The following NUP133 variants were observed in gnomAD, a reference collection of about 807,000 sequenced individuals.
NUP133 encodes nucleoporin 133.
In NUP133, 66 loss-of-function variants were observed where a neutral mutation model predicts 146.2. The observed-to-expected ratio is 0.45, with a 90% CI of 0.37 to 0.55. The LOEUF (loss-of-function observed/expected upper bound fraction) is 0.55. Ranked by LOEUF, NUP133 falls within the 20% of genes least tolerant of loss-of-function variation. The pLI is 0.00. For synonymous variants in NUP133, 521 were observed against 498.8 expected, an observed-to-expected ratio of 1.04 and a Z score of -0.59; for missense variants, 1,277 against 1,374.8, an observed-to-expected ratio of 0.93 and a Z score of 1.12.
intron 1 of NUP133, 21 bp downstream of exon 1, chr1:229,508,047 C>T (rs1661990696): frequency 6.9e-7 from 1 of 1,440,532 alleles, no homozygotes; most frequent in Non-Finnish European, 9.2e-7. Flanking sequence ...GTTGCCAGAC[C>T]CAACCAGGGA....
intron 21 of NUP133, among the ~76,000 whole-genome samples, chr1:229,457,106 C>T (rs1396683847): frequency 6.6e-6 from 1 of 152,054 alleles, no homozygotes; most frequent in Non-Finnish European, 1.5e-5. Context: ...GGATTACAGG[C>T]GTGAGCCACC....
chr1:229,449,297 C>T (rs1194954872), intron 23 of NUP133, 107 bp from the exon 24 acceptor site: 2 of 656,270 alleles, frequency 3.0e-6, no homozygotes, highest in Non-Finnish European at 5.2e-6. Flanking sequence ...CAATTAATAT[C>T]TATGAATTAC....
rs764523366 is a variant in NUP133, at chr1:229,475,727, G to A, written c.1762C>T (p.Pro588Ser). 3.1e-6 allele frequency: 5 copies of A among 1,613,288 alleles called. No homozygotes were observed. In the Admixed American group the frequency reaches 8.3e-5, roughly 27 times the overall value. Residue 588 changes from proline (P) to serine (S), a missense_variant, in exon 14 of 26, where the codon CCT (proline) becomes TCT (serine). Physicochemically the swap from Pro to Ser is moderately conservative, Grantham distance 74. Transcript: ENST00000261396. ...ATCAGTGACGTATTGCTGAACCCAG[G>A]TGCTTCTGTTAAAACACAGTGATAA... ...RWAESVPEEA[P>S]GFSNTSLIIL...
chr1:229,446,581 A>G (rs1008544659), intron 24 of NUP133, among the ~76,000 whole-genome samples: 1 of 151,992 alleles, frequency 6.6e-6, no homozygotes, highest in Non-Finnish European at 1.5e-5. Context: ...TACATTAAAA[A>G]AAATTAGCTG....
chr1:229,493,592 C>T (rs1051929596), intron 8 of NUP133, among the ~76,000 whole-genome samples: 11 of 152,052 alleles, frequency 7.2e-5, no homozygotes, highest in Non-Finnish European at 7.4e-5. Context: ...ATAAACGGAC[C>T]CATATGAGAA....
chr1:229,460,842 T>G, intron 19 of NUP133, 73 bp from the exon 20 acceptor site: 2 of 1,390,990 alleles, frequency 1.4e-6, no homozygotes, highest in Non-Finnish European at 2.0e-6. Flanking sequence ...AAACATAACT[T>G]TGTTCTAAAG....
intron 8 of NUP133, among the ~76,000 whole-genome samples, chr1:229,490,816 G>T (rs1045581894): frequency 6.6e-6 from 1 of 152,012 alleles, no homozygotes; most frequent in African/African-American, 2.4e-5. Context: ...GTCAGGCATG[G>T]TGGCACATGC....
intron 15 of NUP133, among the ~76,000 whole-genome samples, chr1:229,469,086 A>G (rs983162237): frequency 6.6e-6 from 1 of 152,226 alleles, no homozygotes; most frequent in Admixed American, 6.5e-5. Flanking sequence ...CAGCTAGGCT[A>G]TAGGAGGAAG....
At chr1:229,502,872 C>G (rs544970682) in intron 2 of NUP133, among the ~76,000 whole-genome samples, 18 of 151,606 alleles carry the variant, frequency 1.2e-4, no homozygotes, top group African/African-American at 4.4e-4. Context: ...CACAGGAGAA[C>G]CACTTGAGCC....
Position 229,484,051 on chromosome 1 carries a change from T to C in NUP133, c.1592+3A>G, listed in dbSNP as rs962128218. The C allele has an allele frequency of 6.3e-7, 1 of 1,588,988 alleles. No homozygotes were observed. Among genetic ancestry groups the C allele is most frequent in the Admixed American group, 1.7e-5 (1 of 59,440 alleles). On this transcript the variant is annotated splice_donor_region_variant and intron_variant, in intron 12 of 25. Transcript: ENST00000261396. ...AATCCATAATTTAAAAAACATGTTA[T>C]ACCTGCAGTATTGCAGAAAGGCAGC...
At chr1:229,460,530 A>AT in intron 20 of NUP133, 81 bp downstream of exon 20, 1 of 1,384,028 alleles carries the variant, frequency 7.2e-7, no homozygotes, top group Non-Finnish European at 9.9e-7. Flanking sequence ...AGTAAACAGT[A>AT]TTTTAATTAC....
At chr1:229,465,274 A>G (rs1297321471) in intron 17 of NUP133, 146 bp downstream of exon 17, 2 of 661,166 alleles carry the variant, frequency 3.0e-6, no homozygotes, top group Admixed American at 2.7e-5. Flanking sequence ...GGACGAATAA[A>G]GTGATTTTGA....
At chr1:229,453,031 G>C (rs1009704967) in intron 21 of NUP133, among the ~76,000 whole-genome samples, 2 of 152,076 alleles carry the variant, frequency 1.3e-5, no homozygotes, top group Non-Finnish European at 2.9e-5. Flanking sequence ...AGAATTTATA[G>C]TATATAGTTG....
chr1:229,450,850 T>G, intron 22 of NUP133: 3 of 200,484 alleles, frequency 1.5e-5, no homozygotes, highest in South Asian at 1.1e-4. Flanking sequence ...CTCAGCCTCC[T>G]GAGTAGCTGG....
intron 20 of NUP133, among the ~76,000 whole-genome samples, chr1:229,459,347 A>T (rs1380984171): frequency 6.6e-6 from 1 of 152,164 alleles, no homozygotes; most frequent in Non-Finnish European, 1.5e-5. Context: ...ACACAGTGAG[A>T]CCCTGTCTCT....
intron 11 of NUP133, among the ~76,000 whole-genome samples, chr1:229,485,033 A>G (rs1661314419): frequency 6.6e-6 from 1 of 152,202 alleles, no homozygotes; most frequent in Non-Finnish European, 1.5e-5. Context: ...AACAGTATTA[A>G]TTATTTTTAG....
intron 14 of NUP133, among the ~76,000 whole-genome samples, chr1:229,471,834 T>C (rs1355061080): frequency 6.6e-6 from 1 of 152,226 alleles, no homozygotes; most frequent in Non-Finnish European, 1.5e-5. Context: ...GGTCACACTG[T>C]ATATATTGTT....
chr1:229,495,994 A>G lies in NUP133; in HGVS notation c.873T>C (p.Ser291=). Residue 291 remains serine (S), a synonymous_variant, in exon 7 of 26, where the codon AGT becomes AGC. Coordinates refer to ENST00000261396, the MANE Select transcript of NUP133 (RefSeq NM_018230.3). ...RERSSFYSLT[S]SNISKWELDD... is the part of the protein sequence containing the mutation. ...CTAATTCCCATTTACTGATGTTTGAACTCGTCAGGCTATAAAAGCTTGATC... is the reference window on the plus strand; with the variant it reads ...CTAATTCCCATTTACTGATGTTTGAGCTCGTCAGGCTATAAAAGCTTGATC... The G allele has an allele frequency of 6.2e-7, 1 of 1,611,394 alleles. No individual in the cohort carries two copies. The highest frequency in any genetic ancestry group is 1.3e-5 in the African/African-American group (1 of 74,896).
Position 229,441,408 on chromosome 1 carries a change from A to G in NUP133, c.*496T>C, listed in dbSNP as rs1274000327. On this transcript the variant is annotated 3_prime_UTR_variant, in exon 26 of 26. Coordinates refer to ENST00000261396, the MANE Select transcript of NUP133 (RefSeq NM_018230.3). ...TAGGCCCACTCTCCTTTGGTTTTTC[A>G]TCTCATAATAAGTCAGCAAAAGTTG... The G allele has an allele frequency of 1.9e-6, 1 of 532,430 alleles. No individual in the cohort carries two copies. The highest frequency in any genetic ancestry group is 5.4e-5 in the East Asian group (1 of 18,362). 33.0% of individuals were successfully genotyped at this position (532,430 alleles called of 1,614,324 possible). A position where few individuals can be genotyped will look rare whatever the true frequency, so the allele number is the denominator to read the frequency against.
Sources: gnomAD v4.1 joint callset for allele counts (sites outside exome capture counted in the v4.1 genomes callset) on GRCh38, gnomAD v4.1.1 for gene constraint, MANE v1.5 for transcripts, NCBI Gene and HGNC (gene_info 2026-07-23, HGNC 2026-07-21) for gene names.